The following TRAFD1 variants were observed in gnomAD, a reference collection of about 807,000 sequenced individuals.
TRAFD1 encodes the protein TRAF-type zinc finger domain containing 1, also known as TRAF-type zinc finger domain-containing protein 1.
Under a neutral mutation model 65.3 loss-of-function variants are expected in TRAFD1, and 38 were observed. The observed-to-expected ratio is 0.58, with a 90% CI of 0.45 to 0.76. The LOEUF (loss-of-function observed/expected upper bound fraction) is 0.76, where lower values mean the gene tolerates loss of function less well. Ranked by LOEUF, TRAFD1 falls within the 30% of genes least tolerant of loss-of-function variation. The probability of loss-of-function intolerance (pLI) is 0.00; values close to 1 mark genes in which losing one functional copy is unlikely to be tolerated. For synonymous variants in TRAFD1, 223 were observed against 257.2 expected, an observed-to-expected ratio of 0.87 and a Z score of 1.27; for missense variants, 631 against 712.6, an observed-to-expected ratio of 0.89 and a Z score of 1.30.
chr12:112,143,850 A>G (rs2030159956), intron 6 of TRAFD1, among the ~76,000 whole-genome samples: 1 of 148,480 alleles, frequency 6.7e-6, no homozygotes, highest in African/African-American at 2.5e-5. Flanking sequence ...CTCCCACTTC[A>G]GTCTCCGATG....
intron 6 of TRAFD1, among the ~76,000 whole-genome samples, chr12:112,142,666 A>G (rs1271423398): frequency 6.6e-6 from 1 of 151,956 alleles, no homozygotes; most frequent in African/African-American, 2.4e-5. Flanking sequence ...AAAGGCTCTA[A>G]AGGACATTAT....
chr12:112,146,175 TAAAAA>T (rs1040756392), intron 7 of TRAFD1, among the ~76,000 whole-genome samples: 4 of 41,010 alleles, frequency 9.8e-5, no homozygotes, highest in Middle Eastern at 0.036. Context: ...ATAATAATAA[TAAAAA>T]AAAGAAGAAG....
chr12:112,142,355 T>A, intron 6 of TRAFD1, 60 bp downstream of exon 6: 1 of 1,507,546 alleles, frequency 6.6e-7, no homozygotes. Flanking sequence ...TCTTAGGTTA[T>A]ACAATTCTTA....
chr12:112,140,676 T>C, intron 4 of TRAFD1, 143 bp from the exon 5 acceptor site: 2 of 1,006,198 alleles, frequency 2.0e-6, no homozygotes, highest in Non-Finnish European at 2.8e-6. Context: ...GACTCTTAAA[T>C]AATTAAATAC....
chr12:112,151,273 C>G (rs1039949823), intron 9 of TRAFD1, among the ~76,000 whole-genome samples: 1 of 152,086 alleles, frequency 6.6e-6, no homozygotes. Flanking sequence ...TGCTTGCACA[C>G]TATTGTTGAA....
At chr12:112,150,764 C>T (rs909751616) in intron 9 of TRAFD1, among the ~76,000 whole-genome samples, 11 of 151,882 alleles carry the variant, frequency 7.2e-5, no homozygotes, top group Admixed American at 2.6e-4. Flanking sequence ...GGTTTCGCCA[C>T]ATTGTCCAGG....
chr12:112,145,905 A>G (rs183425658), intron 7 of TRAFD1, among the ~76,000 whole-genome samples: 155 of 152,080 alleles, frequency 1.0e-3, no homozygotes, highest in African/African-American at 3.5e-3. Context: ...CATTCTCAGT[A>G]AACTATCGCA....
At chr12:112,135,163 C>T (rs1745402561) in intron 4 of TRAFD1, 97 bp downstream of exon 4, 15 of 1,375,882 alleles carry the variant, frequency 1.1e-5, no homozygotes, top group Admixed American at 3.4e-5. Flanking sequence ...GTTAGTTCTC[C>T]GTGAGCTCAC....
At chr12:112,149,650 T>TCC in intron 8 of TRAFD1, 101 bp from the exon 9 acceptor site, 1 of 1,495,156 alleles carries the variant, frequency 6.7e-7, no homozygotes, top group Non-Finnish European at 9.1e-7. Context: ...GTTGTCAAAG[T>TCC]CCCCCTCCAG....
intron 4 of TRAFD1, among the ~76,000 whole-genome samples, chr12:112,136,767 G>T (rs908516724): frequency 6.6e-6 from 1 of 151,990 alleles, no homozygotes; most frequent in Non-Finnish European, 1.5e-5. Flanking sequence ...ATTTATTTTT[G>T]TTTTTCATAG....
chr12:112,132,315 CA>C (rs1438066474), intron 2 of TRAFD1, among the ~76,000 whole-genome samples: 1 of 152,082 alleles, frequency 6.6e-6, no homozygotes, highest in Admixed American at 6.6e-5. Flanking sequence ...TGAAAATATT[CA>C]TACATAATCC....
In TRAFD1 at chr12:112,149,827, AAGAGAC is replaced by A; in HGVS notation, c.1236_1241del (p.Gln412_Thr414delinsHis). ...ATTCCTAGACTGGATTCCCAGCCTCAAGAGACCTCACCAGAGCTGCCCAGGAGGCGT... is the reference window on the plus strand; with the variant it reads ...ATTCCTAGACTGGATTCCCAGCCTCACTCACCAGAGCTGCCCAGGAGGCGT... On this transcript the variant is annotated inframe_deletion, in exon 9 of 12. Coordinates refer to ENST00000412615, the MANE Select transcript of TRAFD1 (RefSeq NM_006700.3). 6.2e-7 allele frequency: 1 copy of A among 1,614,214 alleles called. No individual in the cohort carries two copies. The highest frequency in any genetic ancestry group is 8.5e-7 in the Non-Finnish European group (1 of 1,180,028).
rs776283726 is a variant in TRAFD1 at position 112,137,731 on chromosome 12, C to T, written c.237+2665C>T. 6.6e-5 allele frequency among the ~76,000 whole-genome samples: 10 copies of T among 152,070 alleles called. No homozygotes were observed. The highest frequency in any genetic ancestry group is 1.5e-4 in the Non-Finnish European group (10 of 68,016). On this transcript the variant is annotated intron_variant, in intron 4 of 11. Transcript: ENST00000412615. This position sits in a 1 kb window ranked among gnomAD's most constrained non-coding sequence, Gnocchi z 4.2. ...AAGCCGAGGTTGCGCTACTGCACTT[C>T]AGTCAGGGCGACAGAGCGAGACTCC... is the stretch of plus-strand genomic sequence containing the variant.
In TRAFD1 at chr12:112,151,967, T is replaced by G. The variant is rs974942144; in HGVS notation, c.1446T>G (p.Cys482Trp). The G allele has an allele frequency of 6.2e-7, 1 of 1,614,100 alleles. No individual in the cohort carries two copies. Among genetic ancestry groups the G allele is most frequent in the Non-Finnish European group, 8.5e-7 (1 of 1,180,052 alleles). ...CTGGGTGCCAGCCCAGCTCTCCTTGTGTGCCGAAGCTCAGCAACTCAGACA... is the reference window on the plus strand; with the variant it reads ...CTGGGTGCCAGCCCAGCTCTCCTTGGGTGCCGAAGCTCAGCAACTCAGACA... ...PRPGCQPSSP[C>W]VPKLSNSDSQ... Residue 482 changes from cysteine (C) to tryptophan (W), a missense_variant, in exon 10 of 12, where the codon TGT becomes TGG. Transcript: ENST00000412615.
intron 7 of TRAFD1, among the ~76,000 whole-genome samples, chr12:112,146,889 G>T (rs2030262632): frequency 6.6e-6 from 1 of 151,400 alleles, no homozygotes; most frequent in Admixed American, 6.6e-5. Flanking sequence ...ATCTGAAAAG[G>T]TGTCAGTTAT....
chr12:112,146,218 AT>A (rs1165215846), intron 7 of TRAFD1, among the ~76,000 whole-genome samples: 2 of 146,952 alleles, frequency 1.4e-5, no homozygotes, highest in African/African-American at 5.1e-5. Context: ...CAATAGTGAA[AT>A]AACAGCAAAA....
At chr12:112,146,904 A>G (rs531019399) in intron 7 of TRAFD1, among the ~76,000 whole-genome samples, 2 of 150,300 alleles carry the variant, frequency 1.3e-5, no homozygotes, top group African/African-American at 4.9e-5. Flanking sequence ...AGTTATTTGA[A>G]TGATTGACTA....
chr12:112,145,745 C>A, intron 7 of TRAFD1, 83 bp downstream of exon 7: 3 of 1,244,354 alleles, frequency 2.4e-6, no homozygotes, highest in Non-Finnish European at 3.5e-6. Flanking sequence ...AGGCCTTGAA[C>A]AAATCATTTT....
intron 1 of TRAFD1, among the ~76,000 whole-genome samples, chr12:112,126,740 C>T (rs1434913180): frequency 2.6e-5 from 4 of 152,070 alleles, no homozygotes; most frequent in African/African-American, 7.2e-5. Flanking sequence ...CTGCAGCCTC[C>T]GCCTCCTGGG....
Sources: gnomAD v4.1 joint callset for allele counts (sites outside exome capture counted in the v4.1 genomes callset) on GRCh38, gnomAD v4.1.1 for gene constraint, Gnocchi (gnomAD v3.1) non-coding constraint, MANE v1.5 for transcripts, NCBI Gene and HGNC (gene_info 2026-07-23, HGNC 2026-07-21) for gene names.